The following CHD1L variants were observed in gnomAD, a reference collection of about 807,000 sequenced individuals.
CHD1L encodes the protein chromodomain helicase DNA binding protein 1 like, also known as ATP-dependent chromatin remodeler CHD1L.
A neutral mutation model predicts 115.9 loss-of-function variants in CHD1L; 118 were observed. The ratio of observed to expected loss-of-function variants is 1.02; its 90% CI spans 0.88 to 1.19. CHD1L has a LOEUF of 1.19. CHD1L is among the 50% of genes most tolerant of loss of function. The pLI, the probability that CHD1L is intolerant of heterozygous loss-of-function variation, is 0.00. For synonymous variants in CHD1L, 411 were observed against 387.1 expected, an observed-to-expected ratio of 1.06 and a Z score of -0.72; for missense variants, 1,179 against 1,065.3, an observed-to-expected ratio of 1.11 and a Z score of -1.49.
At position 147,266,019 on chromosome 1, in the gene CHD1L, TA is replaced by T. The variant is rs781796349; in HGVS notation, c.828del (p.Val277Ter). Reference protein sequence around the residue: ...VATELPKKTEVVIYHGMSALQ... With the variant: ...VATELPKKTEXVIYHGMSALQ... ...ACAGAGCTTCCCAAGAAGACAGAAG[TA>T]GTGATATACCATGGCATGTCAGCAT... On this transcript the variant is annotated frameshift_variant, in exon 8 of 23. Coordinates refer to ENST00000369258, the MANE Select transcript of CHD1L (RefSeq NM_004284.6). LOFTEE classifies it high-confidence loss of function. The T allele has an allele frequency of 1.2e-6, 2 of 1,613,788 alleles. No individual in the cohort carries two copies. Among genetic ancestry groups the T allele is most frequent in the Admixed American group, 3.3e-5 (2 of 59,988 alleles).
At chr1:147,203,519 A>G in the CHD1L span, 1 of 885,772 alleles carries the variant, frequency 1.1e-6, no homozygotes, top group Non-Finnish European at 1.9e-6. Flanking sequence ...GGTACTGCAT[A>G]AAGTTTAGAG....
In CHD1L at chr1:147,281,765, G is replaced by T. The variant is rs1323647336; in HGVS notation, c.1705+1574G>T. Among the ~76,000 whole-genome samples, 4 of 151,426 alleles carry T rather than the reference G, an allele frequency of 2.6e-5. No individual in the cohort carries two copies. In the East Asian group the frequency reaches 7.7e-4, roughly 29 times the overall value. On this transcript the variant is annotated intron_variant, in intron 15 of 22. Transcript: ENST00000369258. ...TTTAAAAAGTATTTCTCTTCCCATTGCATTGACTTTTACTTCTACTTCTTT... is the reference window on the plus strand; with the variant it reads ...TTTAAAAAGTATTTCTCTTCCCATTTCATTGACTTTTACTTCTACTTCTTT...
intron 11 of CHD1L, among the ~76,000 whole-genome samples, chr1:147,271,719 C>T (rs1304086409): frequency 1.3e-5 from 2 of 152,160 alleles, no homozygotes; most frequent in South Asian, 2.1e-4. Flanking sequence ...GCTCCCCTTC[C>T]CCACACGGAT....
the CHD1L span, among the ~76,000 whole-genome samples, chr1:147,196,231 A>T: frequency 3.9e-5 from 6 of 152,108 alleles, no homozygotes; most frequent in Admixed American, 3.9e-4. Context: ...ATCACTCTCA[A>T]ATAGCCTTCT....
Position 147,275,363 on chromosome 1 carries a change from G to C in CHD1L, c.1280G>C (p.Gly427Ala), listed in dbSNP as rs1677967649. Residue 427 changes from glycine (G) to alanine (A), a missense_variant, in exon 13 of 23, where the codon GGC (glycine) becomes GCC (alanine). Physicochemically the swap from Gly to Ala is moderately conservative, Grantham distance 60. Coordinates refer to ENST00000369258, the MANE Select transcript of CHD1L (RefSeq NM_004284.6). ...TTTGCATTGTTTTCAGGTGGAGTTGGCATGAACTTAACAGCAGCAGATACT... is the reference window on the plus strand; with the variant it reads ...TTTGCATTGTTTTCAGGTGGAGTTGCCATGAACTTAACAGCAGCAGATACT... ...FLLSTRAGGV[G>A]MNLTAADTVI... 6.2e-7 allele frequency: 1 copy of C among 1,613,062 alleles called. No homozygotes were observed. The highest frequency in any genetic ancestry group is 1.3e-5 in the African/African-American group (1 of 74,878).
chr1:147,268,979 T>TC (rs1675066317), intron 10 of CHD1L, 101 bp downstream of exon 10: 2 of 844,274 alleles, frequency 2.4e-6, no homozygotes, highest in Admixed American at 5.2e-5. Flanking sequence ...AGTTTTCTTT[T>TC]TTTTCTTAAC....
the CHD1L span, chr1:147,225,114 T>G: frequency 8.1e-6 from 13 of 1,600,784 alleles, no homozygotes; most frequent in Non-Finnish European, 1.1e-5. Context: ...GGTTAACATT[T>G]TTCAAGGAAG....
upstream of CHD1L, among the ~76,000 whole-genome samples, chr1:147,242,338 G>C (rs890677162): frequency 2.0e-5 from 3 of 152,128 alleles, no homozygotes; most frequent in Non-Finnish European, 4.4e-5. Flanking sequence ...AGAACCCCCA[G>C]GGCCCAGCGG....
chr1:147,229,300 T>C, the CHD1L span, among the ~76,000 whole-genome samples: 1 of 152,204 alleles, frequency 6.6e-6, no homozygotes, highest in Non-Finnish European at 1.5e-5. Context: ...GTGAGGTTTG[T>C]CAAAGATCAG....
chr1:147,252,678 C>T lies in CHD1L; in HGVS notation c.183C>T (p.Phe61=), dbSNP rs1208141951. The T allele has an allele frequency of 1.2e-6, 2 of 1,614,130 alleles. No individual in the cohort carries two copies. Among genetic ancestry groups the T allele is most frequent in the East Asian group, 2.2e-5 (1 of 44,876 alleles). Residue 61 remains phenylalanine (F), a synonymous_variant, in exon 2 of 23, where the codon TTC becomes TTT. Coordinates refer to ENST00000369258, the MANE Select transcript of CHD1L (RefSeq NM_004284.6). ...GAGTAAACTGGCTCGCCCAGCGCTT[C>T]CATTGTCAGAATGGCTGTATCCTGG... The part of the protein sequence containing the change: ...LEGVNWLAQR[F]HCQNGCILGD...
chr1:147,207,462 G>A, the CHD1L span, among the ~76,000 whole-genome samples: 1 of 152,256 alleles, frequency 6.6e-6, no homozygotes, highest in South Asian at 2.1e-4. Context: ...CTGGTTCTCT[G>A]AGGACCCCAT....
chr1:147,228,043 T>G, the CHD1L span, among the ~76,000 whole-genome samples: 1 of 150,712 alleles, frequency 6.6e-6, no homozygotes, highest in South Asian at 2.1e-4. Flanking sequence ...AGTTTTAGGG[T>G]ACATGTGCAC....
chr1:147,194,702 G>T, the CHD1L span, among the ~76,000 whole-genome samples: 1 of 151,998 alleles, frequency 6.6e-6, no homozygotes, highest in South Asian at 2.1e-4. Context: ...GAGCAGGCCT[G>T]GTGGTCACAA....
chr1:147,191,435 C>A, the CHD1L span, among the ~76,000 whole-genome samples: 99 of 152,072 alleles, frequency 6.5e-4, 1 homozygote, highest in African/African-American at 2.4e-3. Context: ...TGATGGCCAG[C>A]GATGATGAGA....
At chr1:147,178,157 T>C in the CHD1L span, 3 of 1,609,386 alleles carry the variant, frequency 1.9e-6, no homozygotes, top group African/African-American at 2.7e-5. Flanking sequence ...GTGGCGCTGC[T>C]TCTCGCCGCG....
chr1:147,272,770 A>G (rs1390137733), intron 12 of CHD1L, among the ~76,000 whole-genome samples: 3 of 152,216 alleles, frequency 2.0e-5, no homozygotes, highest in Non-Finnish European at 2.9e-5. Flanking sequence ...GACATCATCC[A>G]TATATGATTT....
chr1:147,251,355 T>C (rs1668351182), intron 1 of CHD1L, among the ~76,000 whole-genome samples: 1 of 152,112 alleles, frequency 6.6e-6, no homozygotes, highest in African/African-American at 2.4e-5. Flanking sequence ...TTTATGCTTG[T>C]TTTCTGTAGC....
rs1277412110 is a variant in CHD1L, at chr1:147,295,691, AC to A, written c.*183del. 3.8e-6 allele frequency: 2 copies of A among 524,270 alleles called. No homozygotes were observed. The highest frequency in any genetic ancestry group is 6.6e-6 in the Non-Finnish European group (2 of 303,924). The allele number at this position is 524,270 out of a possible 1,614,324, so 32.5% of individuals were successfully genotyped here. Reference sequence around the variant, plus strand: ...GTTTTGGTACCTGTAATATAGGGAAACACAACTTTTTTTGGGAAAGCCCTTT... The same window carrying A: ...GTTTTGGTACCTGTAATATAGGGAAAACAACTTTTTTTGGGAAAGCCCTTT... On this transcript the variant is annotated 3_prime_UTR_variant, in exon 23 of 23. Transcript: ENST00000369258.
chr1:147,287,585 G>A (rs1329483128), intron 18 of CHD1L, 50 bp from the exon 19 acceptor site: 1 of 1,345,120 alleles, frequency 7.4e-7, no homozygotes, highest in Non-Finnish European at 1.0e-6. Flanking sequence ...TCTAAATTGT[G>A]CACTGGACTT....
Sources: allele counts gnomAD v4.1 joint callset (sites outside exome capture counted in the v4.1 genomes callset), GRCh38; gene constraint gnomAD v4.1.1; transcripts MANE v1.5; gene names NCBI Gene and HGNC (gene_info 2026-07-23, HGNC 2026-07-21).